Variants in SGSM1 observed in about 807,000 individuals in gnomAD.
The protein encoded by SGSM1 is RUN and TBC1 domain containing 2.
A neutral mutation model predicts 133.8 loss-of-function variants in SGSM1; 73 were observed. That is an observed-to-expected ratio of 0.55 (90% CI 0.45 to 0.66). SGSM1 has a LOEUF of 0.66. SGSM1 is among the 30% of genes least tolerant of loss of function. The pLI is 0.00. For synonymous variants in SGSM1, 563 were observed against 573.0 expected, an observed-to-expected ratio of 0.98 and a Z score of 0.25; for missense variants, 1,213 against 1,448.1, an observed-to-expected ratio of 0.84 and a Z score of 2.64.
At chr22:24,822,524 A>T (rs1274892683) in intron 2 of SGSM1, among the ~76,000 whole-genome samples, 1 of 152,166 alleles carries the variant, frequency 6.6e-6, no homozygotes, top group African/African-American at 2.4e-5. Flanking sequence ...TCACTTAGTA[A>T]AAGGCATTTA....
At chr22:24,922,183 T>C (rs903783374) in intron 24 of SGSM1, among the ~76,000 whole-genome samples, 13 of 142,700 alleles carry the variant, frequency 9.1e-5, no homozygotes, top group Admixed American at 2.1e-4. Flanking sequence ...TACTTTCTTT[T>C]TTTTTTTTTT....
In SGSM1 at chr22:24,898,019, A is replaced by T. The variant is rs1325606225; in HGVS notation, c.2070A>T (p.Arg690Ser). The T allele has an allele frequency of 6.2e-7, 1 of 1,612,556 alleles. No homozygotes were observed. Among genetic ancestry groups the T allele is most frequent in the Non-Finnish European group, 8.5e-7 (1 of 1,179,306 alleles). ...DEVEQVEAEG[R>S]LEEKQPKIPN... ...TGGAGCAGGTGGAGGCTGAAGGCAG[A>T]TTGGAGGAGAAACAGCCCAAGATCC... is the stretch of plus-strand genomic sequence containing the variant. The change falls in exon 19 of 25, where the codon AGA becomes AGT. Residue 690 changes from arginine to serine, a missense_variant. Arg to Ser is a moderately radical substitution (Grantham distance 110). Coordinates refer to ENST00000400358, the MANE Select transcript of SGSM1 (RefSeq NM_001098497.3).
At chr22:24,861,910 G>T (rs1222044964) in intron 9 of SGSM1, among the ~76,000 whole-genome samples, 3 of 150,384 alleles carry the variant, frequency 2.0e-5, no homozygotes, top group Admixed American at 1.3e-4. Context: ...CTTCAAGTGA[G>T]TCTCCCACCT....
At chr22:24,849,740 G>A (rs1026651694) in intron 4 of SGSM1, among the ~76,000 whole-genome samples, 1 of 152,222 alleles carries the variant, frequency 6.6e-6, no homozygotes, top group South Asian at 2.1e-4. Context: ...CAGAGTGAGA[G>A]GGATCAGCCT....
At position 24,924,437 on chromosome 22, in the gene SGSM1, C is replaced by A. The variant is rs1026203217; in HGVS notation, c.*163C>A. The A allele has an allele frequency of 1.4e-5, 9 of 625,508 alleles. No homozygotes were observed. The highest frequency in any genetic ancestry group is 1.3e-4 in the African/African-American group (7 of 54,860). 38.7% of individuals were successfully genotyped at this position (625,508 alleles called of 1,614,324 possible). A position where few individuals can be genotyped will look rare whatever the true frequency, so the allele number is the denominator to read the frequency against. On this transcript the variant is annotated 3_prime_UTR_variant, in exon 25 of 25. Transcript: ENST00000400358. ...AACTACCCTGACTTTTACTTCTGGG[C>A]AGATGGGGTGGAGGGAGTACCCCTT...
chr22:24,811,092 C>A (rs1927709737), intron 2 of SGSM1, among the ~76,000 whole-genome samples: 1 of 152,100 alleles, frequency 6.6e-6, no homozygotes, highest in Non-Finnish European at 1.5e-5. Context: ...TCTGGCAACC[C>A]TACTCCAGGG....
intron 14 of SGSM1, among the ~76,000 whole-genome samples, chr22:24,882,065 T>G (rs1932362255): frequency 6.6e-6 from 1 of 152,174 alleles, no homozygotes; most frequent in Non-Finnish European, 1.5e-5. Flanking sequence ...TATTTAAATT[T>G]AAAATTTCTA....
At chr22:24,920,967 C>T (rs1034681287) in intron 24 of SGSM1, among the ~76,000 whole-genome samples, 1 of 152,184 alleles carries the variant, frequency 6.6e-6, no homozygotes, top group African/African-American at 2.4e-5. Flanking sequence ...CCTGGTTTTT[C>T]ACTAGTATCC....
At chr22:24,846,671 A>G (rs1312227167) in intron 3 of SGSM1, among the ~76,000 whole-genome samples, 3 of 152,194 alleles carry the variant, frequency 2.0e-5, no homozygotes, top group South Asian at 2.1e-4. Context: ...GTCAGGAAGG[A>G]TTAAACTATG....
intron 2 of SGSM1, among the ~76,000 whole-genome samples, chr22:24,811,431 G>C (rs567370946): frequency 1.3e-5 from 2 of 152,190 alleles, no homozygotes; most frequent in Non-Finnish European, 2.9e-5. Flanking sequence ...TCTAAAGCCG[G>C]GGTGGGGGTG....
intron 9 of SGSM1, among the ~76,000 whole-genome samples, chr22:24,860,914 A>T (rs866913833): frequency 0.017 from 1,612 of 94,234 alleles, 14 homozygotes; most frequent in South Asian, 0.035. Context: ...AAAAAAAAAA[A>T]AAAAAAAAAT....
intron 21 of SGSM1, among the ~76,000 whole-genome samples, chr22:24,909,736 G>A (rs1021679451): frequency 6.6e-6 from 1 of 152,086 alleles, no homozygotes; most frequent in Non-Finnish European, 1.5e-5. Flanking sequence ...GATTACAGGC[G>A]TGAGCGACCA....
intron 9 of SGSM1, among the ~76,000 whole-genome samples, chr22:24,860,916 AAAAAAAATATATAT>A (rs1193031664): frequency 1.3e-3 from 114 of 90,302 alleles, no homozygotes; most frequent in East Asian, 7.1e-3. Context: ...AAAAAAAAAA[AAAAAAAATATATAT>A]ATATATATAT....
chr22:24,883,556 G>A (rs548815111), intron 14 of SGSM1, among the ~76,000 whole-genome samples: 2 of 152,178 alleles, frequency 1.3e-5, no homozygotes, highest in Non-Finnish European at 2.9e-5. Flanking sequence ...ACTTCCCTAG[G>A]GTTATAGAGC....
chr22:24,820,284 G>A lies in SGSM1; in HGVS notation c.63+13800G>A, dbSNP rs1370557068. Among the ~76,000 whole-genome samples the A allele has an allele frequency of 3.3e-5, 5 of 152,118 alleles. No homozygotes were observed. In the East Asian group the frequency reaches 7.7e-4, roughly 23 times the overall value. ...AAGGGGTGTCTGAGGAACCTGGGCA[G>A]GGTGATAAGGGGAGGCTCATTTGTA... On this transcript the variant is annotated intron_variant, in intron 2 of 24. Transcript: ENST00000400358.
intron 3 of SGSM1, among the ~76,000 whole-genome samples, chr22:24,847,216 A>C (rs1175229760): frequency 6.6e-6 from 1 of 152,206 alleles, no homozygotes; most frequent in Non-Finnish European, 1.5e-5. Context: ...TTCTAACTCA[A>C]AAAAACAAAA....
At chr22:24,897,927 C>A in intron 18 of SGSM1, 45 bp from the exon 19 acceptor site, 2 of 1,502,740 alleles carry the variant, frequency 1.3e-6, no homozygotes, top group South Asian at 1.3e-5. Context: ...AGTAATGCTG[C>A]AGTCGACATG....
chr22:24,901,737 G>A, intron 19 of SGSM1, 96 bp from the exon 20 acceptor site: 1 of 1,367,826 alleles, frequency 7.3e-7, no homozygotes. Context: ...CAACAGGAGA[G>A]GGTTAGGAAG....
intron 9 of SGSM1, 115 bp from the exon 10 acceptor site, chr22:24,866,978 G>A (rs950103064): frequency 2.2e-6 from 2 of 910,176 alleles, no homozygotes; most frequent in Non-Finnish European, 3.5e-6. Flanking sequence ...ACAGATGCTG[G>A]GGACCTAATG....
Sources: gnomAD v4.1 joint callset for allele counts (sites outside exome capture counted in the v4.1 genomes callset) on GRCh38, gnomAD v4.1.1 for gene constraint, MANE v1.5 for transcripts, NCBI Gene and HGNC (gene_info 2026-07-23, HGNC 2026-07-21) for gene names.